Variants in VPS8 observed in about 807,000 individuals in gnomAD.
The protein encoded by VPS8 is VPS8 subunit of CORVET complex.
Under a neutral mutation model 216.4 loss-of-function variants are expected in VPS8, and 129 were observed. The observed-to-expected ratio is 0.60, with a 90% CI of 0.52 to 0.69. VPS8 has a LOEUF of 0.69. VPS8 is among the 30% of genes least tolerant of loss of function. The pLI is 0.00. For synonymous variants in VPS8, 571 were observed against 565.4 expected, an observed-to-expected ratio of 1.01 and a Z score of -0.14; for missense variants, 1,531 against 1,683.5, an observed-to-expected ratio of 0.91 and a Z score of 1.59.
At position 184,906,734 on chromosome 3, in the gene VPS8, G is replaced by A. The variant is rs116866651; in HGVS notation, c.2146+5762G>A. ...AAAGGATCCTCTTTGGAATTTGAAT[G>A]ATCCAATAATATTTGGATCATTGTT... On this transcript the variant is annotated intron_variant, in intron 25 of 47. Transcript: ENST00000625842. Among the ~76,000 whole-genome samples the A allele has an allele frequency of 2.0e-5, 3 of 152,260 alleles. No homozygotes were observed. The East Asian group carries it at 5.8e-4, about 29-fold the overall frequency.
Position 184,920,154 on chromosome 3 carries a change from C to A in VPS8, c.2410C>A (p.Gln804Lys). 2.6e-6 allele frequency: 4 copies of A among 1,524,840 alleles called. No individual in the cohort carries two copies. The highest frequency in any genetic ancestry group is 3.5e-6 in the Non-Finnish European group (4 of 1,137,444). The allele number at this position is 1,524,840 out of a possible 1,614,324, so 94.5% of individuals were successfully genotyped here. Reference protein sequence around the residue: ...LTFEDFKNDKQAVEYQQRIVD... With the variant: ...LTFEDFKNDKKAVEYQQRIVD... ...TTTTGAAGATTTTAAAAATGACAAG[C>A]AAGCTGTGGAATATCAACAGCGAAT... The change falls in exon 29 of 48, where the codon CAA (glutamine) becomes AAA (lysine). Residue 804 changes from glutamine to lysine, a missense_variant. Transcript: ENST00000625842.
At chr3:184,826,882 T>G (rs891259046) in intron 3 of VPS8, among the ~76,000 whole-genome samples, 1 of 152,230 alleles carries the variant, frequency 6.6e-6, no homozygotes, top group African/African-American at 2.4e-5. Flanking sequence ...TATTCTTTTC[T>G]GAATTGGGAG....
chr3:184,860,214 G>A lies in VPS8; in HGVS notation c.1224+149G>A, dbSNP rs913834040. 25 of 694,288 alleles carry A rather than the reference G, an allele frequency of 3.6e-5. No individual in the cohort carries two copies. In the African/African-American group the frequency reaches 4.0e-4, roughly 11 times the overall value. The allele number at this position is 694,288 out of a possible 1,614,324, so 43.0% of individuals were successfully genotyped here. ...CAGTCCGGCACCGAGGCTCGTGCCT[G>A]TAGTCCCAGCTACTTGGGAGGCCGA... On this transcript the variant is annotated intron_variant, in intron 15 of 47. Transcript: ENST00000625842.
chr3:184,973,834 A>G (rs1184014726), intron 40 of VPS8, among the ~76,000 whole-genome samples: 1 of 152,104 alleles, frequency 6.6e-6, no homozygotes, highest in Non-Finnish European at 1.5e-5. Context: ...ACATAACATT[A>G]TGACCTCCCC....
chr3:185,039,470 A>C (rs1176057005), intron 46 of VPS8, among the ~76,000 whole-genome samples: 1 of 152,050 alleles, frequency 6.6e-6, no homozygotes, highest in Non-Finnish European at 1.5e-5. Context: ...CGTTGTTACC[A>C]AGAAAAAGGG....
Position 184,915,342 on chromosome 3 carries a change from T to C in VPS8, c.2263-13T>C, listed in dbSNP as rs748854303. On this transcript the variant is annotated splice_polypyrimidine_tract_variant and intron_variant, in intron 27 of 47. Transcript: ENST00000625842. The stretch of plus-strand genomic sequence containing the variant: ...GGTGAGAAAATAATCAACATTTTTT[T>C]CCCAACTTGCAGGTTTTTGAATTTC... 3.7e-6 allele frequency: 6 copies of C among 1,608,976 alleles called. No individual in the cohort carries two copies. The highest frequency in any genetic ancestry group is 2.2e-5 in the East Asian group (1 of 44,808).
intron 22 of VPS8, 76 bp from the exon 23 acceptor site, chr3:184,894,627 G>A (rs892816746): frequency 2.7e-6 from 3 of 1,110,830 alleles, no homozygotes; most frequent in South Asian, 3.0e-5. Context: ...GAAAAGATGA[G>A]ATATATTTGG....
At chr3:184,977,133 T>A (rs1749404608) in intron 40 of VPS8, among the ~76,000 whole-genome samples, 1 of 152,222 alleles carries the variant, frequency 6.6e-6, no homozygotes. Flanking sequence ...TCCGCTATTT[T>A]TTGACTTTTT....
At chr3:184,844,302 T>C (rs1722702792) in intron 8 of VPS8, among the ~76,000 whole-genome samples, 1 of 152,000 alleles carries the variant, frequency 6.6e-6, no homozygotes, top group South Asian at 2.1e-4. Context: ...GTGCCTGTAA[T>C]CCCAGCTACT....
At chr3:184,823,791 T>C (rs1718126130) in intron 1 of VPS8, among the ~76,000 whole-genome samples, 1 of 152,178 alleles carries the variant, frequency 6.6e-6, no homozygotes, top group African/African-American at 2.4e-5. Context: ...AAAATGACAG[T>C]TTTGCAAGTA....
At chr3:185,046,023 C>T (rs748474946) in intron 46 of VPS8, among the ~76,000 whole-genome samples, 3 of 152,162 alleles carry the variant, frequency 2.0e-5, no homozygotes, top group African/African-American at 7.2e-5. Context: ...TTCTTCCTCT[C>T]GTATTCACTA....
intron 31 of VPS8, among the ~76,000 whole-genome samples, chr3:184,927,317 A>G (rs904808787): frequency 6.6e-6 from 1 of 152,174 alleles, no homozygotes; most frequent in Non-Finnish European, 1.5e-5. Flanking sequence ...GCTGTGCTGA[A>G]GTATGGCTTT....
At chr3:184,845,077 T>C (rs1722876917) in intron 8 of VPS8, among the ~76,000 whole-genome samples, 4 of 152,190 alleles carry the variant, frequency 2.6e-5, no homozygotes, top group Admixed American at 2.6e-4. Context: ...GTAAAGAAAT[T>C]AGATATGCTG....
chr3:184,836,246 G>T, intron 5 of VPS8: 1 of 456,434 alleles, frequency 2.2e-6, no homozygotes, highest in Non-Finnish European at 4.4e-6. Context: ...TCCTCTTTTA[G>T]GTGGAGAGTA....
intron 21 of VPS8, among the ~76,000 whole-genome samples, chr3:184,880,249 A>G (rs1306914216): frequency 6.6e-6 from 1 of 152,204 alleles, no homozygotes; most frequent in Non-Finnish European, 1.5e-5. Flanking sequence ...AGGTAAAGAT[A>G]CAGAACATTT....
At chr3:184,916,198 C>T (rs1396347590) in intron 28 of VPS8, among the ~76,000 whole-genome samples, 1 of 152,150 alleles carries the variant, frequency 6.6e-6, no homozygotes, top group Non-Finnish European at 1.5e-5. Context: ...CACCTTTATA[C>T]GTGTTCAATT....
chr3:184,851,268 A>G (rs954191795), intron 10 of VPS8, among the ~76,000 whole-genome samples: 5 of 152,212 alleles, frequency 3.3e-5, no homozygotes, highest in African/African-American at 1.2e-4. Flanking sequence ...AGTAGGAGCC[A>G]TTGTGTTGCT....
intron 35 of VPS8, among the ~76,000 whole-genome samples, chr3:184,938,350 G>A (rs1742008244): frequency 6.6e-6 from 1 of 152,212 alleles, no homozygotes; most frequent in Non-Finnish European, 1.5e-5. Flanking sequence ...AAACATGTAA[G>A]TGTGATCCTG....
intron 35 of VPS8, among the ~76,000 whole-genome samples, chr3:184,937,680 C>T (rs747388271): frequency 6.6e-6 from 1 of 152,036 alleles, no homozygotes; most frequent in Non-Finnish European, 1.5e-5. Flanking sequence ...GTCAGATTTC[C>T]AAGCAGAGAC....
Sources: gnomAD v4.1 joint callset for allele counts (sites outside exome capture counted in the v4.1 genomes callset) on GRCh38, gnomAD v4.1.1 for gene constraint, MANE v1.5 for transcripts, NCBI Gene and HGNC (gene_info 2026-07-23, HGNC 2026-07-21) for gene names.